Variants in CD300E observed in about 807,000 individuals in gnomAD.
CD300E encodes CD300e molecule.
In CD300E, 14 loss-of-function variants were observed where a neutral mutation model predicts 20.9. That is an observed-to-expected ratio of 0.67 (90% CI 0.44 to 1.05). The LOEUF (loss-of-function observed/expected upper bound fraction) is 1.05. Among genes scored for constraint, CD300E ranks in the 50% least tolerant of loss-of-function variants. The pLI is 0.00. For missense variants in CD300E, 237 were observed against 253.9 expected (o/e 0.93, Z 0.45); for synonymous variants, 102 against 103.7 (o/e 0.98, Z 0.10).
rs1469844158 is a variant in CD300E, at chr17:74,610,161, C to G, written c.*2492G>C. 6.6e-6 allele frequency: 1 copy of G among 152,412 alleles called. No homozygotes were observed. The highest frequency in any genetic ancestry group is 1.5e-5 in the Non-Finnish European group (1 of 68,102). The allele number at this position is 152,412 out of a possible 1,614,324, so 9.4% of individuals were successfully genotyped here. ...TAGCCTCCTCTCAATCCCGGTCCTC[C>G]TCCACCTCTCTAGCTCTGCTCTCCT... On this transcript the variant is annotated 3_prime_UTR_variant, in exon 4 of 4. Transcript: ENST00000392619.
intron 1 of CD300E, among the ~76,000 whole-genome samples, chr17:74,620,286 G>A (rs1017898598): frequency 1.3e-5 from 2 of 152,040 alleles, no homozygotes; most frequent in African/African-American, 4.8e-5. Context: ...AGCCTGGCTA[G>A]CATGGTGAAA....
intron 2 of CD300E, among the ~76,000 whole-genome samples, chr17:74,614,702 G>A (rs1428607306): frequency 1.3e-5 from 2 of 152,086 alleles, no homozygotes; most frequent in Non-Finnish European, 2.9e-5. Flanking sequence ...GGCTGGTCTC[G>A]AACTCCTGGC....
chr17:74,614,054 G>T (rs745637174), intron 2 of CD300E, 21 bp from the exon 3 acceptor site: 1 of 1,582,792 alleles, frequency 6.3e-7, no homozygotes, highest in South Asian at 1.1e-5. Context: ...TGAAAATGAT[G>T]CATCAGCCGT....
At chr17:74,619,127 C>T (rs753782634) in intron 1 of CD300E, 5 of 471,228 alleles carry the variant, frequency 1.1e-5, no homozygotes, top group Non-Finnish European at 1.3e-5. Context: ...CCAGCTTCCT[C>T]CTGGAGGTGG....
intron 1 of CD300E, 50 bp downstream of exon 1, chr17:74,623,531 AC>A (rs2031066164): frequency 6.3e-7 from 1 of 1,584,034 alleles, no homozygotes; most frequent in Admixed American, 1.7e-5. Flanking sequence ...TCTTCTACCT[AC>A]TGTCCTGCCC....
chr17:74,614,137 G>T (rs1368337027), intron 2 of CD300E, 104 bp from the exon 3 acceptor site: 6 of 922,836 alleles, frequency 6.5e-6, no homozygotes, highest in Non-Finnish European at 1.0e-5. Flanking sequence ...AGAAGAGGCT[G>T]GAAAGATCTT....
In CD300E at chr17:74,611,095, C is replaced by T. The variant is rs142905826; in HGVS notation, c.*1558G>A. The T allele has an allele frequency of 4.6e-5, 7 of 152,328 alleles. No homozygotes were observed. Among genetic ancestry groups the T allele is most frequent in the South Asian group, 2.1e-4 (1 of 4,832 alleles). The allele number at this position is 152,328 out of a possible 1,614,324, so 9.4% of individuals were successfully genotyped here. ...TTCCTATGCTGTAATGACTTGGGAGCTTATCCTTCTCATAAAATGAATCAT... is the reference window on the plus strand; with the variant it reads ...TTCCTATGCTGTAATGACTTGGGAGTTTATCCTTCTCATAAAATGAATCAT... On this transcript the variant is annotated 3_prime_UTR_variant, in exon 4 of 4. Coordinates refer to ENST00000392619, the MANE Select transcript of CD300E (RefSeq NM_181449.3).
Position 74,617,143 on chromosome 17 carries a change from G to C in CD300E, c.363C>G (p.Asp121Glu), listed in dbSNP as rs777971159. 1.2e-6 allele frequency: 2 copies of C among 1,614,188 alleles called. No homozygotes were observed. Among genetic ancestry groups the C allele is most frequent in the Non-Finnish European group, 1.7e-6 (2 of 1,180,034 alleles). The change falls in exon 2 of 4, where the codon GAC becomes GAG. Residue 121 changes from aspartate (D) to glutamate (E), a missense_variant. Asp to Glu is a conservative substitution (Grantham distance 45, BLOSUM62 2). Transcript: ENST00000392619. Reference sequence around the variant, plus strand: ...CTGGGGAAACATACACCCTAACCAGGTCCGAGGGATCGCGTGACCATGAAT... The same window carrying C: ...CTGGGGAAACATACACCCTAACCAGCTCCGAGGGATCGCGTGACCATGAAT... ...VLDSWSRDPS[D>E]LVRVYVSPAI...
At chr17:74,616,241 A>C (rs1369268187) in intron 2 of CD300E, among the ~76,000 whole-genome samples, 1 of 152,158 alleles carries the variant, frequency 6.6e-6, no homozygotes, top group Non-Finnish European at 1.5e-5. Flanking sequence ...GGACAATGGC[A>C]TGAGGATGGG....
At chr17:74,615,144 G>A (rs1163163640) in intron 2 of CD300E, among the ~76,000 whole-genome samples, 3 of 152,370 alleles carry the variant, frequency 2.0e-5, no homozygotes, top group African/African-American at 7.2e-5. Flanking sequence ...GAGCACAGGG[G>A]AGAAGCCTAA....
At chr17:74,623,554 A>G (rs778454271) in intron 1 of CD300E, 28 bp downstream of exon 1, 2 of 1,613,470 alleles carry the variant, frequency 1.2e-6, no homozygotes, top group Non-Finnish European at 1.7e-6. Context: ...CTGCAAAACC[A>G]AGTCCCCAAA....
intron 2 of CD300E, 66 bp downstream of exon 2, chr17:74,617,052 G>T (rs561065941): frequency 2.2e-6 from 3 of 1,375,998 alleles, no homozygotes; most frequent in Non-Finnish European, 3.1e-6. Context: ...TCAGTGTGCC[G>T]CCCACCCTTG....
Position 74,617,410 on chromosome 17 carries a change from CAG to C in CD300E, c.94_95del (p.Leu32AspfsTer7), listed in dbSNP as rs2030927922. ...TGCTCTCATACTGACACCACACTGT[CAG>C]AGAGTCCCCCGCAGTGCCAGTCACA... ...GSVTGTAGDS[L>X]TVWCQYESMY... On this transcript the variant is annotated frameshift_variant, in exon 2 of 4. Coordinates refer to ENST00000392619, the MANE Select transcript of CD300E (RefSeq NM_181449.3). LOFTEE classifies it high-confidence loss of function. The C allele has an allele frequency of 1.2e-6, 2 of 1,614,086 alleles. No individual in the cohort carries two copies. Among genetic ancestry groups the C allele is most frequent in the South Asian group, 1.1e-5 (1 of 91,076 alleles).
chr17:74,618,978 TGCTGTG>T (rs1432865022), intron 1 of CD300E: 14 of 435,126 alleles, frequency 3.2e-5, no homozygotes, highest in Non-Finnish European at 6.7e-5. Context: ...TCGCTCTGGA[TGCTGTG>T]CCCTCAGGAA....
intron 1 of CD300E, 70 bp from the exon 2 acceptor site, chr17:74,617,535 T>C: frequency 1.5e-6 from 2 of 1,354,192 alleles, no homozygotes; most frequent in Middle Eastern, 2.1e-4. Context: ...TGTCTGAAGC[T>C]TAAGGGGAAG....
intron 2 of CD300E, 128 bp from the exon 3 acceptor site, chr17:74,614,161 C>T (rs1049980367): frequency 2.3e-5 from 17 of 741,878 alleles, no homozygotes; most frequent in Non-Finnish European, 3.4e-5. Flanking sequence ...AAGCCAGATC[C>T]AGGGCACCTC....
chr17:74,617,918 C>A (rs1043362839), intron 1 of CD300E, among the ~76,000 whole-genome samples: 1 of 152,218 alleles, frequency 6.6e-6, no homozygotes, highest in African/African-American at 2.4e-5. Flanking sequence ...GAAAAATACT[C>A]TCCGGCTCTG....
chr17:74,621,974 T>G (rs571010552), intron 1 of CD300E, among the ~76,000 whole-genome samples: 12 of 152,226 alleles, frequency 7.9e-5, no homozygotes, highest in Admixed American at 5.2e-4. Flanking sequence ...ATTTTTTACT[T>G]TTCTTTTTTT....
rs1289339656 is a variant in CD300E at position 74,617,276 on chromosome 17, G to C, written c.230C>G (p.Ser77Cys). ...GAGAGCCTCCGGGTGGTCTCTGATG[G>C]ACACGCGGCCATTCCTCTCCACCTT... ...EEKVERNGRV[S>C]IRDHPEALAF... The change falls in exon 2 of 4, where the codon TCC (serine) becomes TGC (cysteine). Residue 77 changes from serine to cysteine, a missense_variant. Physicochemically the swap from Ser to Cys is moderately radical, Grantham distance 112. Transcript: ENST00000392619. The C allele has an allele frequency of 2.5e-6, 4 of 1,614,094 alleles. No homozygotes were observed. Among genetic ancestry groups the C allele is most frequent in the Non-Finnish European group, 3.4e-6 (4 of 1,180,042 alleles).
Sources: gnomAD v4.1 joint callset for allele counts (sites outside exome capture counted in the v4.1 genomes callset) on GRCh38, gnomAD v4.1.1 for gene constraint, MANE v1.5 for transcripts, NCBI Gene and HGNC (gene_info 2026-07-23, HGNC 2026-07-21) for gene names.